RNF8: variants seen among roughly 807,000 people sequenced by gnomAD.
The protein encoded by RNF8 is ring finger protein 8.
In RNF8, 8 loss-of-function variants were observed where a neutral mutation model predicts 59.3. The observed-to-expected ratio is 0.13, with a 90% CI of 0.08 to 0.24. The LOEUF is 0.24. Among genes scored for constraint, RNF8 ranks in the 10% least tolerant of loss-of-function variants. The probability of loss-of-function intolerance (pLI) is 1.00; values close to 1 mark genes in which losing one functional copy is unlikely to be tolerated. For missense variants in RNF8, 406 were observed against 572.6 expected (o/e 0.71, Z 2.97); for synonymous variants, 162 against 200.0 (o/e 0.81, Z 1.60).
intron 7 of RNF8, among the ~76,000 whole-genome samples, chr6:37,386,101 G>A (rs376676368): frequency 1.2e-3 from 185 of 148,634 alleles, no homozygotes; most frequent in Middle Eastern, 0.01. Flanking sequence ...CTCCCAAAGT[G>A]CCAGGATTAC....
intron 4 of RNF8, among the ~76,000 whole-genome samples, chr6:37,372,679 A>C (rs1353761475): frequency 6.6e-6 from 1 of 152,176 alleles, no homozygotes; most frequent in African/African-American, 2.4e-5. Context: ...TTAAAATGTG[A>C]TACTTTTAGA....
chr6:37,367,415 T>A (rs1448419749), intron 2 of RNF8, among the ~76,000 whole-genome samples: 1 of 152,214 alleles, frequency 6.6e-6, no homozygotes. Flanking sequence ...TTATTTTATT[T>A]ATTTTGGAGA....
At position 37,370,598 on chromosome 6, in the gene RNF8, C is replaced by T. The variant is rs1769761424; in HGVS notation, c.976-914C>T. Among the ~76,000 whole-genome samples, 3 of 152,028 alleles carry T rather than the reference C, an allele frequency of 2.0e-5. No individual in the cohort carries two copies. The South Asian group carries it at 6.2e-4, about 32-fold the overall frequency. On this transcript the variant is annotated intron_variant, in intron 3 of 7. Coordinates refer to ENST00000373479, the MANE Select transcript of RNF8 (RefSeq NM_003958.4). ...ATGCTCATAGTGAAGTGTATCTAGTCCCTTGTTTATCAGCTGCATCTCCCT... is the reference window on the plus strand; with the variant it reads ...ATGCTCATAGTGAAGTGTATCTAGTTCCTTGTTTATCAGCTGCATCTCCCT...
intron 4 of RNF8, 97 bp downstream of exon 4, chr6:37,371,671 C>A: frequency 1.1e-6 from 1 of 915,460 alleles, no homozygotes; most frequent in Non-Finnish European, 1.7e-6. Context: ...TTAGCCCATA[C>A]CTCTGTGGCA....
Position 37,374,755 on chromosome 6 carries a change from A to G in RNF8, c.1128+46A>G, listed in dbSNP as rs1474344743. On this transcript the variant is annotated intron_variant, in intron 5 of 7. Transcript: ENST00000373479. ...GTTTAGAATTTGGTTAGTGCATGCA[A>G]CTCAGCATTTTCAACAGTGCAAGGG... The G allele has an allele frequency of 6.4e-6, 9 of 1,403,648 alleles. No homozygotes were observed. In the Admixed American group the frequency reaches 1.2e-4, roughly 19 times the overall value. The allele number at this position is 1,403,648 out of a possible 1,614,324, so 86.9% of individuals were successfully genotyped here. A position where few individuals can be genotyped will look rare whatever the true frequency, so the allele number is the denominator to read the frequency against.
intron 6 of RNF8, among the ~76,000 whole-genome samples, chr6:37,378,832 C>T (rs530745120): frequency 6.6e-6 from 1 of 151,900 alleles, no homozygotes; most frequent in Admixed American, 6.6e-5. Flanking sequence ...CTTATGGACT[C>T]TATAAGAGGA....
chr6:37,367,774 C>T (rs1291998692), intron 2 of RNF8, among the ~76,000 whole-genome samples: 3 of 152,192 alleles, frequency 2.0e-5, no homozygotes, highest in African/African-American at 7.2e-5. Flanking sequence ...TTATCTTATT[C>T]ATTCCTCACT....
At chr6:37,382,274 G>T (rs393880) in intron 7 of RNF8, among the ~76,000 whole-genome samples, 6,769 of 152,162 alleles carry the variant, frequency 0.044, 459 homozygotes, top group African/African-American at 0.15. Context: ...GCCTGGGGAG[G>T]TGCAGGTATG....
In RNF8 at chr6:37,388,921, A is replaced by G. The variant is rs1305900029; in HGVS notation, c.1442-1821A>G. 1.1e-4 allele frequency among the ~76,000 whole-genome samples: 16 copies of G among 140,718 alleles called. 1 individual carries two copies. Among genetic ancestry groups the G allele is most frequent in the Admixed American group, 1.1e-3 (16 of 14,372 alleles). The allele number at this position is 140,718 out of a possible 152,430, so 92.3% of individuals were successfully genotyped here. A position where few individuals can be genotyped will look rare whatever the true frequency, so the allele number is the denominator to read the frequency against. ...GTACTCCAGCCTGGGCAAAAGAGCC[A>G]GACCCTATCTCTTTAAAAAAAAAAA... On this transcript the variant is annotated intron_variant, in intron 7 of 7. Coordinates refer to ENST00000373479, the MANE Select transcript of RNF8 (RefSeq NM_003958.4).
chr6:37,390,475 C>T (rs1028401804), intron 7 of RNF8, among the ~76,000 whole-genome samples: 2 of 151,986 alleles, frequency 1.3e-5, no homozygotes, highest in Admixed American at 6.6e-5. Context: ...GGAGTGAGCG[C>T]TGGGGAGTGG....
At chr6:37,354,403 G>T (rs1201179898) in intron 1 of RNF8, 128 bp downstream of exon 1, 7 of 751,822 alleles carry the variant, frequency 9.3e-6, no homozygotes, top group African/African-American at 7.2e-5. Context: ...GAAGAGGAGC[G>T]AAGTGTCTGT....
intron 6 of RNF8, among the ~76,000 whole-genome samples, chr6:37,379,971 T>A (rs1770185258): frequency 6.6e-6 from 1 of 152,222 alleles, no homozygotes; most frequent in South Asian, 2.1e-4. Context: ...TGGAGTGCAG[T>A]AACGCCATCA....
rs968889872 is a variant in RNF8 at position 37,393,694 on chromosome 6, C to T, written c.*2936C>T. On this transcript the variant is annotated 3_prime_UTR_variant, in exon 8 of 8. Coordinates refer to ENST00000373479, the MANE Select transcript of RNF8 (RefSeq NM_003958.4). ...AACCTAGAAAGGGCTCACTCTACCT[C>T]TAGGCATGTTTCATCCCAACAATCA... 6.6e-6 allele frequency: 1 copy of T among 152,256 alleles called. No homozygotes were observed. 9.4% of individuals were successfully genotyped at this position (152,256 alleles called of 1,614,324 possible).
At position 37,394,195 on chromosome 6, in the gene RNF8, G is replaced by C. The variant is rs1355685659; in HGVS notation, c.*3437G>C. On this transcript the variant is annotated 3_prime_UTR_variant, in exon 8 of 8. Coordinates refer to ENST00000373479, the MANE Select transcript of RNF8 (RefSeq NM_003958.4). ...GCTCTGAGATACAGACTTGTTCATA[G>C]GTGTGGGGCCTGATTGGAACAGGAT... 1 of 152,174 alleles carries C rather than the reference G, an allele frequency of 6.6e-6. No individual in the cohort carries two copies. The highest frequency in any genetic ancestry group is 1.5e-5 in the Non-Finnish European group (1 of 68,048). The allele number at this position is 152,174 out of a possible 1,614,324, so 9.4% of individuals were successfully genotyped here.
rs188900233 is a variant in RNF8, at chr6:37,371,743, C to A, written c.1038+169C>A. ...ACACCATCAGATCAGAGATTTGGAGCCTTACAAACATGCCAGACCTCAGCA... is the reference window on the plus strand; with the variant it reads ...ACACCATCAGATCAGAGATTTGGAGACTTACAAACATGCCAGACCTCAGCA... On this transcript the variant is annotated intron_variant, in intron 4 of 7. Transcript: ENST00000373479. Among the ~76,000 whole-genome samples the A allele has an allele frequency of 1.9e-3, 293 of 152,232 alleles. 3 individuals carry two copies. The highest frequency in any genetic ancestry group is 6.3e-3 in the African/African-American group (261 of 41,536).
At chr6:37,387,935 G>A (rs1220080279) in intron 7 of RNF8, among the ~76,000 whole-genome samples, 1 of 152,214 alleles carries the variant, frequency 6.6e-6, no homozygotes, top group African/African-American at 2.4e-5. Flanking sequence ...TGAGCATTCA[G>A]CCTGGAAAAG....
intron 4 of RNF8, among the ~76,000 whole-genome samples, chr6:37,373,260 C>G (rs935355373): frequency 6.6e-6 from 1 of 151,904 alleles, no homozygotes; most frequent in Non-Finnish European, 1.5e-5. Flanking sequence ...CTTCACTGCC[C>G]TAAGCAGTCT....
rs1769937699 is a variant in RNF8, at chr6:37,374,654, A to G, written c.1073A>G (p.Lys358Arg). ...WALMEELNRS[K>R]KDFEAIIQAK... ...CTAATGGAAGAGCTAAATCGCAGCA[A>G]GAAGGACTTTGAAGCAATCATTCAA... Residue 358 changes from lysine to arginine, a missense_variant, in exon 5 of 8, where the codon AAG becomes AGG. Transcript: ENST00000373479. The G allele has an allele frequency of 5.6e-6, 9 of 1,614,066 alleles. No individual in the cohort carries two copies. Among genetic ancestry groups the G allele is most frequent in the Non-Finnish European group, 8.5e-7 (1 of 1,180,032 alleles).
intron 1 of RNF8, among the ~76,000 whole-genome samples, chr6:37,359,754 A>G (rs1370629393): frequency 6.6e-6 from 1 of 152,250 alleles, no homozygotes; most frequent in Non-Finnish European, 1.5e-5. Flanking sequence ...TATATGCTCC[A>G]GTGATAATAT....
Sources: gnomAD v4.1 joint callset for allele counts (sites outside exome capture counted in the v4.1 genomes callset) on GRCh38, gnomAD v4.1.1 for gene constraint, MANE v1.5 for transcripts, NCBI Gene and HGNC (gene_info 2026-07-23, HGNC 2026-07-21) for gene names.